MRPS18B: variants seen among roughly 807,000 people sequenced by gnomAD.
MRPS18B encodes the protein mitochondrial ribosomal protein S18B.
Under a neutral mutation model 28.4 loss-of-function variants are expected in MRPS18B, and 27 were observed. The ratio of observed to expected loss-of-function variants is 0.95; its 90% CI spans 0.70 to 1.31. The LOEUF (loss-of-function observed/expected upper bound fraction) is 1.31, where lower values mean the gene tolerates loss of function less well. Ranked by LOEUF, MRPS18B falls within the 40% of genes most tolerant of loss-of-function variation. The probability of loss-of-function intolerance (pLI) is 0.00; values close to 1 mark genes in which losing one functional copy is unlikely to be tolerated. For synonymous variants in MRPS18B, 118 were observed against 123.7 expected, an observed-to-expected ratio of 0.95 and a Z score of 0.30; for missense variants, 343 against 335.9, an observed-to-expected ratio of 1.02 and a Z score of -0.17.
chr6:30,620,907 A>T (rs981388059), intron 4 of MRPS18B, among the ~76,000 whole-genome samples: 4 of 152,182 alleles, frequency 2.6e-5, no homozygotes, highest in African/African-American at 9.7e-5. Flanking sequence ...CAATATCCAA[A>T]GATTCGTTTG....
intron 5 of MRPS18B, 47 bp from the exon 6 acceptor site, chr6:30,624,836 C>A: frequency 6.3e-7 from 1 of 1,597,984 alleles, no homozygotes; most frequent in Non-Finnish European, 8.6e-7. Context: ...CAGTTGTGTT[C>A]TATTATTTAC....
At position 30,619,761 on chromosome 6, in the gene MRPS18B, C is replaced by T. The variant is rs1258634809; in HGVS notation, c.240C>T (p.Asn80=). ...SRPVWADYRR[N]HKGGVPPQRT... ...CCGTCTGGGCTGACTACCGCCGCAACCACAAGGGTGGTGTACCCCCACAGC... is the reference window on the plus strand; with the variant it reads ...CCGTCTGGGCTGACTACCGCCGCAATCACAAGGGTGGTGTACCCCCACAGC... Residue 80 remains asparagine, a synonymous_variant, in exon 3 of 7, where the codon AAC becomes AAT. Coordinates refer to ENST00000259873, the MANE Select transcript of MRPS18B (RefSeq NM_014046.4). 1 of 1,614,218 alleles carries T rather than the reference C, an allele frequency of 6.2e-7. No homozygotes were observed. The highest frequency in any genetic ancestry group is 1.3e-5 in the African/African-American group (1 of 75,054).
At chr6:30,621,556 G>T (rs1362511444) in intron 4 of MRPS18B, among the ~76,000 whole-genome samples, 3 of 152,162 alleles carry the variant, frequency 2.0e-5, no homozygotes, top group Non-Finnish European at 4.4e-5. Context: ...TCAGAAAATG[G>T]GGGTATTTGA....
chr6:30,619,145 T>C (rs1289206927), intron 1 of MRPS18B, among the ~76,000 whole-genome samples: 2 of 152,180 alleles, frequency 1.3e-5, no homozygotes, highest in Non-Finnish European at 2.9e-5. Context: ...CTCGATGTCT[T>C]GACCTCATGA....
In MRPS18B at chr6:30,622,848, A is replaced by G; in HGVS notation, c.371A>G (p.Glu124Gly). 1 of 1,613,028 alleles carries G rather than the reference A, an allele frequency of 6.2e-7. No homozygotes were observed. Among genetic ancestry groups the G allele is most frequent in the Non-Finnish European group, 8.5e-7 (1 of 1,180,020 alleles). The change falls in exon 5 of 7, where the codon GAG becomes GGG. Residue 124 changes from glutamate (E) to glycine (G), a missense_variant. Transcript: ENST00000259873. ...CCCCCACAGAACGTGAAGCTCTTGGAGCAATTTGTCTGCGCCCACACGGGT... is the reference window on the plus strand; with the variant it reads ...CCCCCACAGAACGTGAAGCTCTTGGGGCAATTTGTCTGCGCCCACACGGGT... ...HVDFRNVKLL[E>G]QFVCAHTGII...
intron 1 of MRPS18B, chr6:30,618,505 G>C (rs1760899993): frequency 1.3e-5 from 2 of 153,706 alleles, no homozygotes; most frequent in South Asian, 3.8e-4. Flanking sequence ...GGAGTTATGA[G>C]AGCTTAACTC....
In MRPS18B at chr6:30,625,925, ACCT is replaced by A; in HGVS notation, c.*130_*132del. The A allele has an allele frequency of 9.7e-7, 1 of 1,036,258 alleles. No individual in the cohort carries two copies. The highest frequency in any genetic ancestry group is 1.4e-6 in the Non-Finnish European group (1 of 720,812). The allele number at this position is 1,036,258 out of a possible 1,614,324, so 64.2% of individuals were successfully genotyped here. A position where few individuals can be genotyped will look rare whatever the true frequency, so the allele number is the denominator to read the frequency against. On this transcript the variant is annotated 3_prime_UTR_variant, in exon 7 of 7. Coordinates refer to ENST00000259873, the MANE Select transcript of MRPS18B (RefSeq NM_014046.4). ...AGACCAGCCTGGGCACCATGGTGAA[ACCT>A]CGTCTTTACCAAAAAATACAAAAAT...
At chr6:30,623,256 G>C (rs1018238426) in intron 5 of MRPS18B, among the ~76,000 whole-genome samples, 4 of 151,584 alleles carry the variant, frequency 2.6e-5, no homozygotes, top group Non-Finnish European at 4.4e-5. Flanking sequence ...AGAGTCGCTT[G>C]AACCCAGGAG....
chr6:30,624,706 TGGG>T (rs1184397705), intron 5 of MRPS18B, among the ~76,000 whole-genome samples, 174 bp from the exon 6 acceptor site: 4 of 152,138 alleles, frequency 2.6e-5, no homozygotes, highest in Non-Finnish European at 4.4e-5. Flanking sequence ...CTCCAAAAGA[TGGG>T]GGAGATTCTT....
intron 1 of MRPS18B, 62 bp downstream of exon 1, chr6:30,618,005 C>G (rs1582694547): frequency 6.4e-7 from 1 of 1,574,518 alleles, no homozygotes; most frequent in South Asian, 1.1e-5. Flanking sequence ...GAGGTTGTCG[C>G]TCCACTGTCA....
chr6:30,624,085 T>C (rs1463431360), intron 5 of MRPS18B, among the ~76,000 whole-genome samples: 1 of 137,248 alleles, frequency 7.3e-6, no homozygotes, highest in Non-Finnish European at 1.6e-5. Context: ...TTTTTGTTTT[T>C]TTTGGGGGGG....
chr6:30,626,011 A>G lies in MRPS18B; in HGVS notation c.*214A>G, dbSNP rs1237188375. 1 of 521,616 alleles carries G rather than the reference A, an allele frequency of 1.9e-6. No homozygotes were observed. The highest frequency in any genetic ancestry group is 3.3e-6 in the Non-Finnish European group (1 of 299,300). 32.3% of individuals were successfully genotyped at this position (521,616 alleles called of 1,614,324 possible). A position where few individuals can be genotyped will look rare whatever the true frequency, so the allele number is the denominator to read the frequency against. The stretch of plus-strand genomic sequence containing the variant: ...CAACTATTGGGGAGGCTAAGGTAGG[A>G]TCACTTGATCCCAGGAGGCGGAGGT... On this transcript the variant is annotated 3_prime_UTR_variant, in exon 7 of 7. Transcript: ENST00000259873.
At chr6:30,619,433 G>A in intron 1 of MRPS18B, 60 bp from the exon 2 acceptor site, 1 of 1,420,056 alleles carries the variant, frequency 7.0e-7, no homozygotes, top group South Asian at 1.2e-5. Context: ...AGTGTGATAA[G>A]CAAAACAATT....
At chr6:30,620,327 T>A (rs550024874) in intron 4 of MRPS18B, among the ~76,000 whole-genome samples, 2,632 of 143,344 alleles carry the variant, frequency 0.018, 36 homozygotes, top group Middle Eastern at 0.04. Flanking sequence ...AAAAAAAAAA[T>A]AAAATAAAAT....
At chr6:30,618,979 G>A (rs955772321) in intron 1 of MRPS18B, among the ~76,000 whole-genome samples, 2 of 151,770 alleles carry the variant, frequency 1.3e-5, no homozygotes, top group Admixed American at 6.6e-5. Flanking sequence ...GTGTAGTGGC[G>A]CAATCTTGGC....
chr6:30,624,993 G>T, intron 6 of MRPS18B, 51 bp downstream of exon 6: 1 of 1,595,896 alleles, frequency 6.3e-7, no homozygotes, highest in Non-Finnish European at 8.6e-7. Flanking sequence ...TAAGGAAGAT[G>T]ACTTAGGGCT....
chr6:30,622,728 G>A, intron 4 of MRPS18B, 104 bp from the exon 5 acceptor site: 4 of 1,026,486 alleles, frequency 3.9e-6, no homozygotes, highest in Admixed American at 1.7e-5. Context: ...AGGGGTGAAG[G>A]TGGTCCATGT....
chr6:30,619,349 C>A, intron 1 of MRPS18B, 144 bp from the exon 2 acceptor site: 1 of 644,726 alleles, frequency 1.6e-6, no homozygotes. Context: ...TTAAACCCAA[C>A]AAAAATACTT....
At position 30,626,290 on chromosome 6, in the gene MRPS18B, A is replaced by G. The variant is rs369731283; in HGVS notation, c.*493A>G. On this transcript the variant is annotated 3_prime_UTR_variant, in exon 7 of 7. Coordinates refer to ENST00000259873, the MANE Select transcript of MRPS18B (RefSeq NM_014046.4). ...GGTACAGATGTGTATGGGAAACCCC[A>G]ACCCCTATATATTGTAAATAGATGG... 24 of 168,514 alleles carry G rather than the reference A, an allele frequency of 1.4e-4. 2 individuals carry two copies. Among genetic ancestry groups the G allele is most frequent in the East Asian group, 1.1e-3 (6 of 5,644 alleles). The allele number at this position is 168,514 out of a possible 1,614,324, so 10.4% of individuals were successfully genotyped here. A position where few individuals can be genotyped will look rare whatever the true frequency, so the allele number is the denominator to read the frequency against.
Sources: gnomAD v4.1 joint callset for allele counts (sites outside exome capture counted in the v4.1 genomes callset) on GRCh38, gnomAD v4.1.1 for gene constraint, MANE v1.5 for transcripts, NCBI Gene and HGNC (gene_info 2026-07-23, HGNC 2026-07-21) for gene names.